ALKBH1: variants seen among roughly 807,000 people sequenced by gnomAD.
ALKBH1 encodes the protein alkB homolog 1, histone H2A dioxygenase.
A neutral mutation model predicts 36.6 loss-of-function variants in ALKBH1; 31 were observed. The observed-to-expected ratio is 0.85, with a 90% CI of 0.64 to 1.14. ALKBH1 has a LOEUF of 1.14. Among genes scored for constraint, ALKBH1 ranks in the 50% most tolerant of loss-of-function variants. The pLI is 0.00. For missense variants in ALKBH1, 490 were observed against 497.3 expected (o/e 0.99, Z 0.14); for synonymous variants, 183 against 186.6 (o/e 0.98, Z 0.16).
chr14:77,679,714 A>G (rs534814599), intron 4 of ALKBH1, among the ~76,000 whole-genome samples, 166 bp downstream of exon 4: 1 of 152,324 alleles, frequency 6.6e-6, no homozygotes, highest in South Asian at 2.1e-4. Flanking sequence ...TACAGATGTG[A>G]GCCACGGCAC....
At chr14:77,681,796 G>C (rs984562308) in intron 3 of ALKBH1, among the ~76,000 whole-genome samples, 5 of 152,218 alleles carry the variant, frequency 3.3e-5, no homozygotes, top group Non-Finnish European at 5.9e-5. Context: ...GTCAGGCAGA[G>C]GCTGCCTACA....
intron 2 of ALKBH1, chr14:77,697,149 T>C (rs1308036587): frequency 5.3e-6 from 1 of 188,464 alleles, no homozygotes; most frequent in Admixed American, 5.3e-5. Flanking sequence ...GACCTGGTAC[T>C]GTAACACCAA....
rs756567319 is a variant in ALKBH1 at position 77,707,773 on chromosome 14, G to A, written c.183+49C>T. 32 of 1,541,044 alleles carry A rather than the reference G, an allele frequency of 2.1e-5. 1 individual carries two copies. The South Asian group carries it at 3.4e-4, about 16-fold the overall frequency. ...GAAGAAGACACGTAAGTCCCTCCAA[G>A]ACGCGGGGCAAAGCGATGGAGAGAC... On this transcript the variant is annotated intron_variant, in intron 1 of 5. Coordinates refer to ENST00000216489, the MANE Select transcript of ALKBH1 (RefSeq NM_006020.3).
intron 3 of ALKBH1, among the ~76,000 whole-genome samples, chr14:77,687,864 CA>C (rs2080276830): frequency 6.8e-6 from 1 of 146,546 alleles, no homozygotes; most frequent in South Asian, 2.1e-4. Context: ...AAGAAAACCA[CA>C]TCTATTTTCA....
intron 2 of ALKBH1, among the ~76,000 whole-genome samples, chr14:77,703,594 T>A (rs2080371853): frequency 2.2e-5 from 1 of 45,874 alleles, no homozygotes. Context: ...TGCGTCCAGC[T>A]TTTTTTTTTT....
rs539735883 is a variant in ALKBH1, at chr14:77,697,162, G to C, written c.293-2262C>G. 2.1e-4 allele frequency: 38 copies of C among 181,540 alleles called. 1 individual carries two copies. In the South Asian group the frequency reaches 4.7e-3, roughly 22 times the overall value. 11.2% of individuals were successfully genotyped at this position (181,540 alleles called of 1,614,324 possible). A position where few individuals can be genotyped will look rare whatever the true frequency, so the allele number is the denominator to read the frequency against. On this transcript the variant is annotated intron_variant, in intron 2 of 5. Transcript: ENST00000216489. ...GTGACCTGGTACTGTAACACCAATG[G>C]AGACGTGGTGGAAGAGTTGAATTCT... is the stretch of plus-strand genomic sequence containing the variant.
chr14:77,691,132 T>C (rs961648543), intron 3 of ALKBH1, among the ~76,000 whole-genome samples: 1 of 152,178 alleles, frequency 6.6e-6, no homozygotes, highest in African/African-American at 2.4e-5. Flanking sequence ...TTTACAACAA[T>C]CTCTAGCTAC....
At chr14:77,697,864 T>G (rs1442674731) in intron 2 of ALKBH1, among the ~76,000 whole-genome samples, 2 of 151,786 alleles carry the variant, frequency 1.3e-5, no homozygotes, top group Admixed American at 6.6e-5. Flanking sequence ...AATACAAAAA[T>G]TAGCCAGGCG....
Position 77,704,480 on chromosome 14 carries a change from G to T in ALKBH1, c.184-3C>A. 1 of 1,611,872 alleles carries T rather than the reference G, an allele frequency of 6.2e-7. No individual in the cohort carries two copies. Among genetic ancestry groups the T allele is most frequent in the Non-Finnish European group, 8.5e-7 (1 of 1,178,088 alleles). ...ACATTTAGCTGAGATTTGATCACCT[G>T]GCAGGAAGGAAACAGAAGTTAAAGG... is the stretch of plus-strand genomic sequence containing the variant. On this transcript the variant is annotated splice_region_variant and splice_polypyrimidine_tract_variant and intron_variant, in intron 1 of 5. Transcript: ENST00000216489.
chr14:77,676,802 C>A (rs970998896), intron 4 of ALKBH1, among the ~76,000 whole-genome samples: 3 of 152,152 alleles, frequency 2.0e-5, no homozygotes, highest in African/African-American at 4.8e-5. Context: ...AATACTATAG[C>A]CAGTTTGGTT....
chr14:77,696,334 G>A (rs2080326811), intron 2 of ALKBH1, among the ~76,000 whole-genome samples: 1 of 152,054 alleles, frequency 6.6e-6, no homozygotes, highest in Admixed American at 6.6e-5. Context: ...GATTACAGGT[G>A]CCTGCCACTG....
At chr14:77,685,875 C>A (rs1487572513) in intron 3 of ALKBH1, among the ~76,000 whole-genome samples, 1 of 152,158 alleles carries the variant, frequency 6.6e-6, no homozygotes, top group Non-Finnish European at 1.5e-5. Flanking sequence ...GCATTAAGTT[C>A]AGTCCTCATA....
chr14:77,673,857 G>C lies in ALKBH1; in HGVS notation c.1125C>G (p.Asp375Glu). ...TGGCCCGTTTTACTTCGCTATTCTG[G>C]TCATCCAGATGGCAGAAACCTTCTG... ...ISTEGFCHLD[D>E]QNSEVKRARI... is the part of the protein sequence containing the mutation. Residue 375 changes from aspartate to glutamate, a missense_variant, in exon 6 of 6, where the codon GAC becomes GAG. Coordinates refer to ENST00000216489, the MANE Select transcript of ALKBH1 (RefSeq NM_006020.3). The C allele has an allele frequency of 6.2e-7, 1 of 1,614,168 alleles. No homozygotes were observed. The highest frequency in any genetic ancestry group is 8.5e-7 in the Non-Finnish European group (1 of 1,179,996).
chr14:77,685,094 T>TA (rs2080260495), intron 3 of ALKBH1, among the ~76,000 whole-genome samples: 1 of 152,244 alleles, frequency 6.6e-6, no homozygotes, highest in Non-Finnish European at 1.5e-5. Context: ...ACAGCATGAA[T>TA]AGAATCATCC....
chr14:77,691,475 G>A (rs2080296865), intron 3 of ALKBH1, among the ~76,000 whole-genome samples: 1 of 152,090 alleles, frequency 6.6e-6, no homozygotes, highest in Admixed American at 6.6e-5. Flanking sequence ...GCCAGGTACT[G>A]TCCACATGAC....
intron 3 of ALKBH1, among the ~76,000 whole-genome samples, chr14:77,690,117 C>A (rs1349271799): frequency 6.6e-6 from 1 of 151,500 alleles, no homozygotes; most frequent in South Asian, 2.1e-4. Flanking sequence ...CAAAGACTTA[C>A]AAGAAGCAAG....
intron 1 of ALKBH1, among the ~76,000 whole-genome samples, chr14:77,706,909 T>C (rs1443044432): frequency 1.3e-5 from 2 of 152,196 alleles, no homozygotes; most frequent in African/African-American, 2.4e-5. Flanking sequence ...TTGGAAAGAA[T>C]GCCTCATCTA....
chr14:77,706,977 G>A (rs1183857688), intron 1 of ALKBH1, among the ~76,000 whole-genome samples: 1 of 152,192 alleles, frequency 6.6e-6, no homozygotes, highest in East Asian at 1.9e-4. Context: ...CAACGTTAAA[G>A]TGGATTGTAA....
At position 77,683,330 on chromosome 14, in the gene ALKBH1, GT is replaced by G. The variant is rs965352838; in HGVS notation, c.456-3361del. The G allele has an allele frequency of 5.7e-5, 42 of 738,202 alleles. No homozygotes were observed. The African/African-American group carries it at 6.2e-4, about 11-fold the overall frequency. 45.7% of individuals were successfully genotyped at this position (738,202 alleles called of 1,614,324 possible). A position where few individuals can be genotyped will look rare whatever the true frequency, so the allele number is the denominator to read the frequency against. ...TGAACTCAGGTACCTTTCTCTTTGG[GT>G]TCTTTTTCTGATCATTTTACTACAC... On this transcript the variant is annotated intron_variant, in intron 3 of 5. Coordinates refer to ENST00000216489, the MANE Select transcript of ALKBH1 (RefSeq NM_006020.3).
Sources: allele counts gnomAD v4.1 joint callset (sites outside exome capture counted in the v4.1 genomes callset), GRCh38; gene constraint gnomAD v4.1.1; transcripts MANE v1.5; gene names NCBI Gene and HGNC (gene_info 2026-07-23, HGNC 2026-07-21).